Variants in DPH6 observed in about 807,000 individuals in gnomAD.
The protein encoded by DPH6 is diphthine--ammonia ligase.
In DPH6, 33 loss-of-function variants were observed where a neutral mutation model predicts 38.2. The observed-to-expected ratio is 0.86, with a 90% CI of 0.65 to 1.15. The LOEUF (loss-of-function observed/expected upper bound fraction) is 1.15. DPH6 is among the 50% of genes most tolerant of loss of function. DPH6 has a pLI of 0.00. For synonymous variants in DPH6, 108 were observed against 103.0 expected, an observed-to-expected ratio of 1.05 and a Z score of -0.30; for missense variants, 325 against 320.0, an observed-to-expected ratio of 1.02 and a Z score of -0.12.
At chr15:35,261,088 T>C (rs530841325) in intron 3 of DPH6, among the ~76,000 whole-genome samples, 1 of 152,274 alleles carries the variant, frequency 6.6e-6, no homozygotes, top group African/African-American at 2.4e-5. Context: ...AATTTATTTC[T>C]GCATACCTCA....
intron 3 of DPH6, among the ~76,000 whole-genome samples, chr15:35,325,669 T>A (rs2052276877): frequency 6.6e-6 from 1 of 152,118 alleles, no homozygotes; most frequent in African/African-American, 2.4e-5. Context: ...GGCCTTGAAC[T>A]TGTAAATGTT....
At chr15:35,166,380 C>A in the DPH6 span, among the ~76,000 whole-genome samples, 4 of 151,952 alleles carry the variant, frequency 2.6e-5, no homozygotes, top group Non-Finnish European at 5.9e-5. Flanking sequence ...ATAACCATTT[C>A]TTTGGGTCTT....
intron 6 of DPH6, chr15:35,401,884 T>C (rs2053225157): frequency 2.2e-6 from 1 of 464,694 alleles, no homozygotes; most frequent in Non-Finnish European, 4.1e-6. Flanking sequence ...AGGGCCTAGC[T>C]GCTACAAAGA....
intron 1 of DPH6, among the ~76,000 whole-genome samples, chr15:35,542,954 ATAT>A (rs1566946721): frequency 2.7e-5 from 3 of 110,398 alleles, no homozygotes; most frequent in Non-Finnish European, 3.8e-5. Context: ...GAATATATAT[ATAT>A]ATATATATAA....
At chr15:35,281,663 C>T (rs1168139628) in intron 3 of DPH6, among the ~76,000 whole-genome samples, 1 of 152,166 alleles carries the variant, frequency 6.6e-6, no homozygotes, top group South Asian at 2.1e-4. Flanking sequence ...TTCATGAATT[C>T]CCAGGCTGGG....
intron 7 of DPH6, 64 bp from the exon 8 acceptor site, chr15:35,373,672 T>C (rs780261687): frequency 1.2e-4 from 157 of 1,339,570 alleles, no homozygotes; most frequent in Non-Finnish European, 1.6e-4. Context: ...TCATTCCTCC[T>C]ACTGACTAGA....
At chr15:35,318,603 T>C (rs1312749836) in intron 3 of DPH6, among the ~76,000 whole-genome samples, 1 of 152,136 alleles carries the variant, frequency 6.6e-6, no homozygotes, top group Non-Finnish European at 1.5e-5. Flanking sequence ...TAAAATCATA[T>C]GAAGTACATT....
chr15:35,286,883 T>C (rs928737525), intron 3 of DPH6, among the ~76,000 whole-genome samples: 9 of 152,188 alleles, frequency 5.9e-5, no homozygotes, highest in African/African-American at 1.2e-4. Flanking sequence ...TAGGGGAAAA[T>C]GCTAGAAAAC....
chr15:35,537,716 T>C (rs1426380609), intron 3 of DPH6, among the ~76,000 whole-genome samples: 1 of 152,152 alleles, frequency 6.6e-6, no homozygotes, highest in Non-Finnish European at 1.5e-5. Flanking sequence ...TTATCAGAAA[T>C]GTCTTGCTTG....
intron 3 of DPH6, among the ~76,000 whole-genome samples, chr15:35,484,069 T>C (rs1249076640): frequency 6.6e-6 from 1 of 152,210 alleles, no homozygotes; most frequent in Non-Finnish European, 1.5e-5. Context: ...GTGATGGTAA[T>C]TGTGGACATG....
intron 3 of DPH6, among the ~76,000 whole-genome samples, chr15:35,505,567 A>G (rs969059443): frequency 6.6e-6 from 1 of 152,064 alleles, no homozygotes; most frequent in African/African-American, 2.4e-5. Context: ...GCATTTAATA[A>G]TATGAGTGGC....
intron 5 of DPH6, among the ~76,000 whole-genome samples, chr15:35,438,738 A>T (rs907516124): frequency 1.3e-5 from 2 of 152,246 alleles, no homozygotes; most frequent in African/African-American, 4.8e-5. Flanking sequence ...TTTAAAGGGA[A>T]GATAAAAAGT....
At chr15:35,204,154 T>G in the DPH6 span, among the ~76,000 whole-genome samples, 1 of 151,790 alleles carries the variant, frequency 6.6e-6, no homozygotes, top group South Asian at 2.1e-4. Context: ...GCTGCTTTTG[T>G]TAAAGAATGT....
intron 3 of DPH6, among the ~76,000 whole-genome samples, chr15:35,239,918 T>G (rs1419322417): frequency 1.4e-5 from 2 of 141,086 alleles, no homozygotes; most frequent in Non-Finnish European, 3.1e-5. Context: ...TAACCTCTTA[T>G]CTCTGTGCCC....
At chr15:35,254,034 T>C (rs2051691770) in intron 3 of DPH6, among the ~76,000 whole-genome samples, 1 of 152,208 alleles carries the variant, frequency 6.6e-6, no homozygotes, top group East Asian at 1.9e-4. Context: ...AGGGATCCAC[T>C]GCAAACTCCC....
Position 35,546,110 on chromosome 15 carries a change from C to T in DPH6, c.23+9G>A, listed in dbSNP as rs2141584123. 3 of 1,404,204 alleles carry T rather than the reference C, an allele frequency of 2.1e-6. No individual in the cohort carries two copies. Among genetic ancestry groups the T allele is most frequent in the South Asian group, 1.6e-5 (1 of 62,388 alleles). The allele number at this position is 1,404,204 out of a possible 1,614,324, so 87.0% of individuals were successfully genotyped here. On this transcript the variant is annotated intron_variant, in intron 1 of 8. Coordinates refer to ENST00000256538, the MANE Select transcript of DPH6 (RefSeq NM_080650.4). ...TAGGAGGAAGGAGGCGGCTCCAGGA[C>T]CGCATTACCTGATCAGAGCCGCGAC...
chr15:35,225,745 C>G (rs958956128), intron 3 of DPH6, among the ~76,000 whole-genome samples: 3 of 152,116 alleles, frequency 2.0e-5, no homozygotes, highest in African/African-American at 4.8e-5. Flanking sequence ...TGGTGTGTTA[C>G]CACAATGATT....
chr15:35,401,025 G>T, intron 6 of DPH6: 1 of 888,694 alleles, frequency 1.1e-6, no homozygotes, highest in Non-Finnish European at 1.9e-6. Flanking sequence ...TGGCATTAAA[G>T]AAGACACAGA....
At chr15:35,313,731 T>A (rs2052163822) in intron 3 of DPH6, among the ~76,000 whole-genome samples, 1 of 152,090 alleles carries the variant, frequency 6.6e-6, no homozygotes, top group African/African-American at 2.4e-5. Flanking sequence ...GTGGCATCTT[T>A]AGGTTTTTCT....
Sources: allele counts gnomAD v4.1 joint callset (sites outside exome capture counted in the v4.1 genomes callset), GRCh38; gene constraint gnomAD v4.1.1; transcripts MANE v1.5; gene names NCBI Gene and HGNC (gene_info 2026-07-23, HGNC 2026-07-21).